ZNF800: variants seen among roughly 807,000 people sequenced by gnomAD.
ZNF800 encodes the protein zinc finger protein 800.
Under a neutral mutation model 59.5 loss-of-function variants are expected in ZNF800, and 13 were observed. The observed-to-expected ratio is 0.22, with a 90% CI of 0.14 to 0.35. ZNF800 has a LOEUF of 0.35. ZNF800 is among the 10% of genes least tolerant of loss of function. The probability of loss-of-function intolerance (pLI) is 1.00; values close to 1 mark genes in which losing one functional copy is unlikely to be tolerated. For missense variants in ZNF800, 621 were observed against 783.7 expected (o/e 0.79, Z 2.48); for synonymous variants, 266 against 265.7 (o/e 1.00, Z -0.01).
chr7:127,355,526 G>A (rs1341224060), intron 1 of ZNF800, among the ~76,000 whole-genome samples: 1 of 152,032 alleles, frequency 6.6e-6, no homozygotes, highest in African/African-American at 2.4e-5. Flanking sequence ...AGTTGGAACT[G>A]TCAAGAACAG....
chr7:127,352,335 C>T (rs1800182105), intron 1 of ZNF800, among the ~76,000 whole-genome samples: 1 of 152,088 alleles, frequency 6.6e-6, no homozygotes, highest in African/African-American at 2.4e-5. Context: ...AACTCAACTG[C>T]ATTAAATTCT....
downstream of ZNF800, among the ~76,000 whole-genome samples, chr7:127,345,528 C>CT (rs1265106725): frequency 6.6e-6 from 1 of 152,080 alleles, no homozygotes; most frequent in Non-Finnish European, 1.5e-5. Flanking sequence ...TGAAAAGCAG[C>CT]TTAAACAGAG....
At chr7:127,384,255 A>T (rs1801068317) in intron 3 of ZNF800, among the ~76,000 whole-genome samples, 1 of 26,430 alleles carries the variant, frequency 3.8e-5, no homozygotes. Context: ...TTTTTTTTAG[A>T]CAGAGTCTCA....
intron 2 of ZNF800, among the ~76,000 whole-genome samples, chr7:127,386,714 T>C (rs1325574158): frequency 2.0e-5 from 3 of 152,208 alleles, no homozygotes; most frequent in Non-Finnish European, 4.4e-5. Flanking sequence ...GAGAGAAATT[T>C]CAAACAACTT....
At position 127,371,371 on chromosome 7, in the gene ZNF800, A is replaced by G. The variant is rs1385710027; in HGVS notation, c.*443T>C. On this transcript the variant is annotated 3_prime_UTR_variant, in exon 6 of 6. Transcript: ENST00000265827. ...ACACTCACTAGAAAATCATATATCT[A>G]TACAATTCAGATGAAAATGTTGCCA... 1 of 154,366 alleles carries G rather than the reference A, an allele frequency of 6.5e-6. No individual in the cohort carries two copies. Among genetic ancestry groups the G allele is most frequent in the Non-Finnish European group, 1.4e-5 (1 of 69,406 alleles). The allele number at this position is 154,366 out of a possible 1,614,324, so 9.6% of individuals were successfully genotyped here. A position where few individuals can be genotyped will look rare whatever the true frequency, so the allele number is the denominator to read the frequency against.
At chr7:127,382,857 G>A (rs4731357) in intron 3 of ZNF800, among the ~76,000 whole-genome samples, 97,564 of 152,110 alleles carry the variant, frequency 0.64, 31,705 homozygotes, top group East Asian at 0.86. Context: ...ATGTAGCAGC[G>A]TTGCCTGAGC....
At chr7:127,382,711 T>TA (rs745932624) in intron 3 of ZNF800, among the ~76,000 whole-genome samples, 17 of 151,762 alleles carry the variant, frequency 1.1e-4, no homozygotes, top group Non-Finnish European at 2.5e-4. Context: ...ATGTCAACAA[T>TA]AAATAGTTGA....
chr7:127,373,597 T>A lies in ZNF800; in HGVS notation c.1739A>T (p.Asp580Val). Residue 580 changes from aspartate to valine, a missense_variant, in exon 5 of 6, where the codon GAT (aspartate) becomes GTT (valine). Transcript: ENST00000265827. The part of the protein sequence containing the change: ...NKVAKRGPSR[D>V]EAKHSDSKHD... ...TTTTGAATCACTATGTTTTGCTTCA[T>A]CCCTCGAAGGGCCTCTTTTTGCCAC... The A allele has an allele frequency of 1.2e-6, 2 of 1,614,184 alleles. No homozygotes were observed. Among genetic ancestry groups the A allele is most frequent in the Non-Finnish European group, 1.7e-6 (2 of 1,180,028 alleles).
At position 127,374,075 on chromosome 7, in the gene ZNF800, G is replaced by T; in HGVS notation, c.1261C>A (p.Pro421Thr). The T allele has an allele frequency of 1.9e-6, 3 of 1,614,064 alleles. No homozygotes were observed. The highest frequency in any genetic ancestry group is 2.2e-5 in the South Asian group (2 of 91,066). ...TTCTGTGGAGAATGGGTAATGGAAG[G>T]GGGTGAAGATTCTACAGAATCTGCT... Reference protein sequence around the residue: ...EPADSVESSPPSITHSPQNEL... With the variant: ...EPADSVESSPTSITHSPQNEL... The change falls in exon 5 of 6, where the codon CCT becomes ACT. Residue 421 changes from proline (P) to threonine (T), a missense_variant. By Grantham distance (38) the Pro-to-Thr change is conservative. This residue lies in a region of ZNF800 where 185 missense variants were observed against 177.6 expected (regional missense o/e 1.04). Coordinates refer to ENST00000265827, the MANE Select transcript of ZNF800 (RefSeq NM_176814.5).
chr7:127,392,585 C>G lies in ZNF800; in HGVS notation c.-584G>C, dbSNP rs1408572134. The G allele has an allele frequency of 1.9e-5, 4 of 213,568 alleles. No individual in the cohort carries two copies. The highest frequency in any genetic ancestry group is 3.7e-5 in the Non-Finnish European group (4 of 108,546). 13.2% of individuals were successfully genotyped at this position (213,568 alleles called of 1,614,324 possible). On this transcript the variant is annotated 5_prime_UTR_variant, in exon 1 of 6. Coordinates refer to ENST00000265827, the MANE Select transcript of ZNF800 (RefSeq NM_176814.5). ...CGGTGGTAGTTGTTGTTTCAGGAAA[C>G]TTTATTAAGTCAGCCTCTCTTTTAC... is the stretch of plus-strand genomic sequence containing the variant.
exon 2 of ZNF800, chr7:127,347,358 G>C (rs1587417138): frequency 1.5e-5 from 2 of 134,720 alleles, no homozygotes; most frequent in East Asian, 2.6e-4. Context: ...TCTTCTGGCA[G>C]ATGGCAATAT....
In ZNF800 at chr7:127,392,184, G is replaced by GGGGAAC; in HGVS notation, c.-189_-184dup. ...TGGCGCAGCCTCCGCTGACCACGCG[G>GGGGAAC]GGGAACCCGGACTCGGGCCCGACGC... is the stretch of plus-strand genomic sequence containing the variant. On this transcript the variant is annotated 5_prime_UTR_variant, in exon 1 of 6. Coordinates refer to ENST00000265827, the MANE Select transcript of ZNF800 (RefSeq NM_176814.5). The GGGGAAC allele has an allele frequency of 2.5e-6, 1 of 394,978 alleles. No individual in the cohort carries two copies. The highest frequency in any genetic ancestry group is 4.5e-6 in the Non-Finnish European group (1 of 223,616). 24.5% of individuals were successfully genotyped at this position (394,978 alleles called of 1,614,324 possible).
At position 127,375,049 on chromosome 7, in the gene ZNF800, A is replaced by C. The variant is rs759328861; in HGVS notation, c.302-15T>G. ...ATCAGGAAGGTCTGTTAAGGAAAAA[A>C]CAACATTTTAATCTGAAGTAATTAG... On this transcript the variant is annotated splice_polypyrimidine_tract_variant and intron_variant, in intron 4 of 5. Transcript: ENST00000265827. The C allele has an allele frequency of 2.6e-6, 4 of 1,524,954 alleles. No homozygotes were observed. The African/African-American group carries it at 4.2e-5, about 16-fold the overall frequency. 94.5% of individuals were successfully genotyped at this position (1,524,954 alleles called of 1,614,324 possible). A position where few individuals can be genotyped will look rare whatever the true frequency, so the allele number is the denominator to read the frequency against.
In ZNF800 at chr7:127,392,204, C is replaced by G. The variant is rs1801353086; in HGVS notation, c.-203G>C. The G allele has an allele frequency of 2.3e-5, 9 of 394,672 alleles. No homozygotes were observed. In the East Asian group the frequency reaches 3.2e-4, roughly 14 times the overall value. 24.4% of individuals were successfully genotyped at this position (394,672 alleles called of 1,614,324 possible). ...ACGCGGGGGAACCCGGACTCGGGCC[C>G]GACGCGCTCCCAAAGAGTCCCCGCC... On this transcript the variant is annotated 5_prime_UTR_variant, in exon 1 of 6. Coordinates refer to ENST00000265827, the MANE Select transcript of ZNF800 (RefSeq NM_176814.5).
chr7:127,364,408 C>T (rs369681629), intron 1 of ZNF800: 3 of 151,994 alleles, frequency 2.0e-5, no homozygotes, highest in Non-Finnish European at 4.4e-5. Flanking sequence ...GGTGAATCAA[C>T]CAGGATCAAG....
intron 1 of ZNF800, among the ~76,000 whole-genome samples, 175 bp downstream of exon 1, chr7:127,391,885 C>T (rs1285999560): frequency 1.3e-5 from 2 of 151,584 alleles, no homozygotes; most frequent in Non-Finnish European, 2.9e-5. Context: ...CCTCGCCGTC[C>T]CGGGCGGGCG....
At chr7:127,356,508 T>G (rs1587423745) in intron 1 of ZNF800, among the ~76,000 whole-genome samples, 1 of 151,998 alleles carries the variant, frequency 6.6e-6, no homozygotes, top group African/African-American at 2.4e-5. Context: ...ACACATATCT[T>G]CATCAATAAT....
At chr7:127,387,316 A>G (rs1587455554) in intron 2 of ZNF800, among the ~76,000 whole-genome samples, 1 of 152,176 alleles carries the variant, frequency 6.6e-6, no homozygotes, top group East Asian at 1.9e-4. Flanking sequence ...CCATCGTAAC[A>G]CAGGACCACC....
At chr7:127,387,844 C>A (rs1473105939) in intron 2 of ZNF800, among the ~76,000 whole-genome samples, 1 of 151,766 alleles carries the variant, frequency 6.6e-6, no homozygotes, top group Non-Finnish European at 1.5e-5. Context: ...CTGGGCAACA[C>A]AGCAAAACTG....
Sources: allele counts gnomAD v4.1 joint callset (sites outside exome capture counted in the v4.1 genomes callset), GRCh38; gene constraint gnomAD v4.1.1; regional missense constraint gnomAD v4.1.1; transcripts MANE v1.5; gene names NCBI Gene and HGNC (gene_info 2026-07-23, HGNC 2026-07-21).